HDAC9: variants seen among roughly 807,000 people sequenced by gnomAD.
The protein encoded by HDAC9 is histone deacetylase 9, also known as MEF-2 interacting transcription repressor (MITR) protein.
In HDAC9, 41 loss-of-function variants were observed where a neutral mutation model predicts 139.4. That is an observed-to-expected ratio of 0.29 (90% confidence interval 0.23 to 0.38). The LOEUF (loss-of-function observed/expected upper bound fraction) is 0.38. Ranked by LOEUF, HDAC9 falls within the 10% of genes least tolerant of loss-of-function variation. HDAC9 has a pLI of 1.00. For synonymous variants in HDAC9, 517 were observed against 476.2 expected, an observed-to-expected ratio of 1.09 and a Z score of -1.12; for missense variants, 1,147 against 1,297.0, an observed-to-expected ratio of 0.88 and a Z score of 1.78.
upstream of HDAC9, among the ~76,000 whole-genome samples, chr7:18,492,559 T>C (rs774118132): frequency 4.6e-5 from 7 of 151,958 alleles, no homozygotes; most frequent in Non-Finnish European, 8.8e-5. Context: ...GTATATAACA[T>C]ATAATATTTG....
At chr7:18,776,565 G>A (rs563485795) in intron 16 of HDAC9, among the ~76,000 whole-genome samples, 1 of 152,146 alleles carries the variant, frequency 6.6e-6, no homozygotes, top group East Asian at 1.9e-4. Flanking sequence ...AAATAAGCAA[G>A]AATGAATGAC....
intron 17 of HDAC9, among the ~76,000 whole-genome samples, chr7:18,810,273 T>C (rs1794073731): frequency 6.6e-6 from 1 of 151,924 alleles, no homozygotes; most frequent in South Asian, 2.1e-4. Flanking sequence ...TGAGCTCATG[T>C]GCATAATTCG....
At chr7:18,511,883 G>T (rs111530216) in intron 2 of HDAC9, among the ~76,000 whole-genome samples, 1 of 152,042 alleles carries the variant, frequency 6.6e-6, no homozygotes, top group South Asian at 2.1e-4. Context: ...TCTGACTACT[G>T]TTGGATTCGA....
chr7:18,805,203 C>G (rs1793607751), intron 17 of HDAC9, among the ~76,000 whole-genome samples: 3 of 152,188 alleles, frequency 2.0e-5, no homozygotes, highest in African/African-American at 7.2e-5. Flanking sequence ...AGGGGAAGGA[C>G]AGTAAGGAAA....
intron 22 of HDAC9, among the ~76,000 whole-genome samples, chr7:18,926,057 T>C (rs1314201396): frequency 2.0e-5 from 3 of 152,058 alleles, no homozygotes; most frequent in Non-Finnish European, 2.9e-5. Context: ...TCATTAAAAG[T>C]ATAAATACTG....
intron 1 of HDAC9, among the ~76,000 whole-genome samples, chr7:18,126,044 A>G (rs1226647480): frequency 6.6e-6 from 1 of 152,136 alleles, no homozygotes; most frequent in Admixed American, 6.5e-5. Context: ...GTTCCATTAA[A>G]TTTTGTATGA....
chr7:18,481,280 C>T (rs1194698575), intron 1 of HDAC9, among the ~76,000 whole-genome samples: 2 of 152,196 alleles, frequency 1.3e-5, no homozygotes, highest in South Asian at 2.1e-4. Context: ...CTTATAATCC[C>T]ATCATCTCAT....
At chr7:18,193,982 C>G (rs1258233126) in intron 2 of HDAC9, among the ~76,000 whole-genome samples, 3 of 152,128 alleles carry the variant, frequency 2.0e-5, no homozygotes, top group African/African-American at 7.2e-5. Context: ...TTGTTTGAAG[C>G]AGTTACAGCA....
intron 1 of HDAC9, among the ~76,000 whole-genome samples, chr7:18,144,005 A>G (rs1285507215): frequency 6.6e-6 from 1 of 152,134 alleles, no homozygotes; most frequent in Non-Finnish European, 1.5e-5. Flanking sequence ...TATGCAAAAA[A>G]CATAAAATCT....
intron 1 of HDAC9, among the ~76,000 whole-genome samples, chr7:18,353,268 A>ATT (rs35737603): frequency 2.5e-4 from 37 of 149,094 alleles, no homozygotes; most frequent in African/African-American, 5.7e-4. Context: ...TAATATTGGG[A>ATT]TTTTTTTTTT....
intron 12 of HDAC9, chr7:18,666,752 T>G (rs1346548040): frequency 8.0e-7 from 1 of 1,243,132 alleles, no homozygotes; most frequent in Non-Finnish European, 1.0e-6. Context: ...ACATAATATC[T>G]GAGCAGTTAA....
chr7:18,670,770 TTCTC>T (rs1215290138), intron 12 of HDAC9, among the ~76,000 whole-genome samples: 1 of 151,940 alleles, frequency 6.6e-6, no homozygotes, highest in African/African-American at 2.4e-5. Flanking sequence ...ATTCAGTTGT[TTCTC>T]TCTCTCTCCT....
intron 1 of HDAC9, among the ~76,000 whole-genome samples, chr7:18,145,712 G>T (rs1786264976): frequency 6.6e-6 from 1 of 152,116 alleles, no homozygotes. Context: ...TCTTTTAAAT[G>T]TTTATGATTT....
intron 1 of HDAC9, among the ~76,000 whole-genome samples, chr7:18,131,768 A>G (rs1429619119): frequency 6.6e-6 from 1 of 152,090 alleles, no homozygotes; most frequent in East Asian, 1.9e-4. Context: ...AGGGTTTTAG[A>G]CGCACACTCC....
intron 2 of HDAC9, among the ~76,000 whole-genome samples, chr7:18,498,650 A>G (rs1797579849): frequency 6.6e-6 from 1 of 152,070 alleles, no homozygotes; most frequent in Non-Finnish European, 1.5e-5. Flanking sequence ...CAGCAGTGCA[A>G]AGGAGTGGAG....
At chr7:18,591,771 C>A in intron 5 of HDAC9, 129 bp downstream of exon 5, 2 of 1,225,232 alleles carry the variant, frequency 1.6e-6, no homozygotes, top group South Asian at 1.5e-5. Context: ...TCCTTCAGTT[C>A]TCTAAGGATC....
chr7:18,965,694 G>A (rs151137894), intron 24 of HDAC9, among the ~76,000 whole-genome samples: 9 of 152,302 alleles, frequency 5.9e-5, no homozygotes, highest in Admixed American at 3.3e-4. Context: ...TGTGAGCTGC[G>A]AGGGAGCAGA....
chr7:18,328,725 T>A (rs1470266677), intron 1 of HDAC9, among the ~76,000 whole-genome samples: 1 of 151,926 alleles, frequency 6.6e-6, no homozygotes, highest in Non-Finnish European at 1.5e-5. Flanking sequence ...ACTTTTTGCA[T>A]CTATGTTCAT....
chr7:18,757,890 T>C (rs1789023257), intron 14 of HDAC9, among the ~76,000 whole-genome samples: 1 of 152,176 alleles, frequency 6.6e-6, no homozygotes. Flanking sequence ...CATGGTGTGT[T>C]GTGAGACTCA....
Sources: gnomAD v4.1 joint callset for allele counts (sites outside exome capture counted in the v4.1 genomes callset) on GRCh38, gnomAD v4.1.1 for gene constraint, MANE v1.5 for transcripts, NCBI Gene and HGNC (gene_info 2026-07-23, HGNC 2026-07-21) for gene names.